ENAH: variants seen among roughly 807,000 people sequenced by gnomAD.
ENAH encodes the protein protein enabled homolog.
ENAH carries 23 observed loss-of-function variants against 78.7 expected under a neutral mutation model. The ratio of observed to expected loss-of-function variants is 0.29; its 90% CI spans 0.21 to 0.41. The LOEUF is 0.41. ENAH is among the 10% of genes least tolerant of loss of function. The probability of loss-of-function intolerance (pLI) is 1.00; values close to 1 mark genes in which losing one functional copy is unlikely to be tolerated. For synonymous variants in ENAH, 226 were observed against 241.0 expected (o/e 0.94, Z 0.58); for missense variants, 544 against 691.0 (o/e 0.79, Z 2.39).
chr1:225,570,170 C>CAAAA (rs397937817), intron 1 of ENAH, among the ~76,000 whole-genome samples: 52 of 121,306 alleles, frequency 4.3e-4, no homozygotes, highest in African/African-American at 1.5e-3. Context: ...TGCTCCATCT[C>CAAAA]AAAAAAAAAA....
intron 3 of ENAH, among the ~76,000 whole-genome samples, chr1:225,548,015 CA>C (rs1244596331): frequency 2.6e-5 from 4 of 152,090 alleles, no homozygotes; most frequent in African/African-American, 9.7e-5. Context: ...TCTGTGAGGA[CA>C]AGACTTGTGT....
intron 12 of ENAH, among the ~76,000 whole-genome samples, chr1:225,500,334 G>A (rs912149440): frequency 4.6e-5 from 7 of 152,020 alleles, no homozygotes; most frequent in African/African-American, 1.4e-4. Flanking sequence ...GAATCCAAAC[G>A]TGGACAGTAT....
intron 3 of ENAH, among the ~76,000 whole-genome samples, chr1:225,547,094 C>T (rs190876632): frequency 6.7e-6 from 1 of 150,066 alleles, no homozygotes; most frequent in African/African-American, 2.5e-5. Context: ...TTTTTTGAGA[C>T]GGAGTCTCAC....
intron 2 of ENAH, among the ~76,000 whole-genome samples, chr1:225,565,401 C>T (rs1390160134): frequency 6.6e-6 from 1 of 151,746 alleles, no homozygotes; most frequent in Non-Finnish European, 1.5e-5. Context: ...CGCCATTGCA[C>T]TCCACCCTGG....
Position 225,492,410 on chromosome 1 carries a change from G to A in ENAH, c.*5365C>T, listed in dbSNP as rs1173227565. 6.6e-6 allele frequency: 1 copy of A among 152,106 alleles called. No homozygotes were observed. Among genetic ancestry groups the A allele is most frequent in the African/African-American group, 2.4e-5 (1 of 41,418 alleles). The allele number at this position is 152,106 out of a possible 1,614,324, so 9.4% of individuals were successfully genotyped here. A position where few individuals can be genotyped will look rare whatever the true frequency, so the allele number is the denominator to read the frequency against. ...TATGTCTTTAAAAACTGAGGAAAAA[G>A]AACAGCACTACTCAAATGGTATATT... On this transcript the variant is annotated 3_prime_UTR_variant, in exon 14 of 14. Transcript: ENST00000366843.
chr1:225,503,992 C>A (rs2151063747), intron 11 of ENAH, among the ~76,000 whole-genome samples: 1 of 150,528 alleles, frequency 6.6e-6, no homozygotes, highest in East Asian at 1.9e-4. Flanking sequence ...GAGGGTTTCT[C>A]AGGTTTTTAT....
At position 225,614,203 on chromosome 1, in the gene ENAH, C is replaced by T. The variant is rs144490598; in HGVS notation, c.5+38483G>A. Among the ~76,000 whole-genome samples the T allele has an allele frequency of 4.8e-4, 73 of 152,072 alleles. 1 individual carries two copies. In the East Asian group the frequency reaches 0.012, roughly 25 times the overall value. On this transcript the variant is annotated intron_variant, in intron 1 of 13. Coordinates refer to ENST00000366843, the MANE Select transcript of ENAH (RefSeq NM_018212.6). The stretch of plus-strand genomic sequence containing the variant: ...CCTCCTAAGTAGCTGGGATTACAGG[C>T]GCCCACCACCATGCACAGCTAATTT...
intron 1 of ENAH, among the ~76,000 whole-genome samples, chr1:225,616,345 A>C (rs1480149375): frequency 6.6e-5 from 10 of 152,154 alleles, no homozygotes; most frequent in African/African-American, 2.4e-4. Flanking sequence ...AAAAAAAAAA[A>C]AGAGTAATAC....
chr1:225,632,206 C>G (rs1418503230), intron 1 of ENAH, among the ~76,000 whole-genome samples: 2 of 152,112 alleles, frequency 1.3e-5, no homozygotes, highest in South Asian at 2.1e-4. Context: ...CTATGTAGAA[C>G]AGTGGTTCTC....
Position 225,497,714 on chromosome 1 carries a change from T to C in ENAH, c.*61A>G, listed in dbSNP as rs1233548231. On this transcript the variant is annotated 3_prime_UTR_variant, in exon 14 of 14. Coordinates refer to ENST00000366843, the MANE Select transcript of ENAH (RefSeq NM_018212.6). ...TGTAGGGGTTTGCTGTTGTGAACAGTTGTTGTTTGTAGGATATTTTTCCTC... is the reference window on the plus strand; with the variant it reads ...TGTAGGGGTTTGCTGTTGTGAACAGCTGTTGTTTGTAGGATATTTTTCCTC... The C allele has an allele frequency of 1.2e-5, 18 of 1,532,962 alleles. No individual in the cohort carries two copies. Among genetic ancestry groups the C allele is most frequent in the Middle Eastern group, 2.0e-4 (1 of 4,934 alleles). 95.0% of individuals were successfully genotyped at this position (1,532,962 alleles called of 1,614,324 possible).
chr1:225,500,900 T>C, intron 12 of ENAH, 92 bp downstream of exon 12: 1 of 1,152,524 alleles, frequency 8.7e-7, no homozygotes. Context: ...TCTTTCTAAG[T>C]ACATTCAGGA....
intron 11 of ENAH, among the ~76,000 whole-genome samples, chr1:225,505,646 C>T (rs1316589252): frequency 1.3e-5 from 2 of 152,170 alleles, no homozygotes; most frequent in East Asian, 1.9e-4. Flanking sequence ...ACTTGCTTTC[C>T]GAAGGAACAG....
Position 225,519,568 on chromosome 1 carries a change from G to GGAA in ENAH, c.435-6_435-4dup. The stretch of plus-strand genomic sequence containing the variant: ...GCCGTTGCTGTTCTTGTAGTTGTCT[G>GGAA]GAAAAAAAAAAAAAAAAGTAAAAAC... On this transcript the variant is annotated splice_region_variant and splice_polypyrimidine_tract_variant and intron_variant, in intron 4 of 13. Transcript: ENST00000366843. 6.5e-7 allele frequency: 1 copy of GGAA among 1,538,312 alleles called. No homozygotes were observed. Among genetic ancestry groups the GGAA allele is most frequent in the Non-Finnish European group, 8.7e-7 (1 of 1,150,388 alleles).
chr1:225,632,836 GAAT>G (rs1659341712), intron 1 of ENAH, among the ~76,000 whole-genome samples: 1 of 152,158 alleles, frequency 6.6e-6, no homozygotes, highest in South Asian at 2.1e-4. Context: ...AAATTATTTT[GAAT>G]AAAACACTTA....
At chr1:225,555,135 G>T in intron 2 of ENAH, 52 bp from the exon 3 acceptor site, 1 of 1,429,870 alleles carries the variant, frequency 7.0e-7, no homozygotes, top group Non-Finnish European at 9.5e-7. Flanking sequence ...GCAAAATCAA[G>T]GATGTCAACA....
chr1:225,578,155 C>G (rs1010807817), intron 1 of ENAH, among the ~76,000 whole-genome samples: 2 of 151,924 alleles, frequency 1.3e-5, no homozygotes, highest in Non-Finnish European at 2.9e-5. Flanking sequence ...GCTCTGGAGA[C>G]CGAAAAAAAT....
At position 225,512,985 on chromosome 1, in the gene ENAH, T is replaced by C. The variant is rs780765066; in HGVS notation, c.1250A>G (p.Asn417Ser). Reference protein sequence around the residue: ...MEDTSFPSGGNAIGVNSASSK... With the variant: ...MEDTSFPSGGSAIGVNSASSK... Reference sequence around the variant, plus strand: ...TGAGGCGGAGTTCACACCAATAGCATTCCCTCCACTTGGGAAAGAGGTATC... The same window carrying C: ...TGAGGCGGAGTTCACACCAATAGCACTCCCTCCACTTGGGAAAGAGGTATC... Residue 417 changes from asparagine (N) to serine (S), a missense_variant, in exon 8 of 14, where the codon AAT becomes AGT. This residue lies in a region of ENAH where 366 missense variants were observed against 396.1 expected (regional missense o/e 0.92). Transcript: ENST00000366843. 23 of 1,613,388 alleles carry C rather than the reference T, an allele frequency of 1.4e-5. No homozygotes were observed. The highest frequency in any genetic ancestry group is 1.7e-5 in the Non-Finnish European group (20 of 1,179,638).
intron 1 of ENAH, among the ~76,000 whole-genome samples, chr1:225,575,105 G>T (rs969328076): frequency 6.6e-6 from 1 of 151,790 alleles, no homozygotes; most frequent in South Asian, 2.1e-4. Context: ...ACAAATGTAG[G>T]GTTCACTCCA....
At chr1:225,641,823 C>G (rs1373670510) in intron 1 of ENAH, among the ~76,000 whole-genome samples, 1 of 152,092 alleles carries the variant, frequency 6.6e-6, no homozygotes, top group Non-Finnish European at 1.5e-5. Context: ...GAGTTCAAGA[C>G]CAGCCCGGCC....
Sources: gnomAD v4.1 joint callset for allele counts (sites outside exome capture counted in the v4.1 genomes callset) on GRCh38, gnomAD v4.1.1 for gene constraint, gnomAD v4.1.1 regional missense constraint, MANE v1.5 for transcripts, NCBI Gene and HGNC (gene_info 2026-07-23, HGNC 2026-07-21) for gene names.